ORC2: variants seen among roughly 807,000 people sequenced by gnomAD.
ORC2 encodes origin recognition complex protein 2 homolog.
In ORC2, 37 loss-of-function variants were observed where a neutral mutation model predicts 77.7. That is an observed-to-expected ratio of 0.48 (90% confidence interval 0.37 to 0.63). ORC2 has a LOEUF of 0.63. Among genes scored for constraint, ORC2 ranks in the 20% least tolerant of loss-of-function variants. The pLI, the probability that ORC2 is intolerant of heterozygous loss-of-function variation, is 0.00. For synonymous variants in ORC2, 201 were observed against 229.5 expected, an observed-to-expected ratio of 0.88 and a Z score of 1.12; for missense variants, 557 against 661.9, an observed-to-expected ratio of 0.84 and a Z score of 1.74.
intron 5 of ORC2, among the ~76,000 whole-genome samples, chr2:200,948,171 C>T (rs1397381578): frequency 1.3e-5 from 2 of 152,008 alleles, no homozygotes; most frequent in Non-Finnish European, 2.9e-5. Flanking sequence ...CCTCGGCCTC[C>T]CAAAGTGCTG....
At chr2:200,917,112 A>G (rs928072919) in intron 15 of ORC2, among the ~76,000 whole-genome samples, 2 of 149,874 alleles carry the variant, frequency 1.3e-5, no homozygotes, top group African/African-American at 5.0e-5. Flanking sequence ...CTCCCTCCTC[A>G]GCCTCCCAAG....
intron 15 of ORC2, among the ~76,000 whole-genome samples, chr2:200,914,367 C>A (rs1346002823): frequency 6.6e-6 from 1 of 151,958 alleles, no homozygotes; most frequent in East Asian, 1.9e-4. Context: ...GGGGTTTCAC[C>A]GTGTTAGCCA....
intron 10 of ORC2, among the ~76,000 whole-genome samples, chr2:200,931,963 T>C (rs538380448): frequency 3.9e-5 from 6 of 152,212 alleles, no homozygotes; most frequent in Non-Finnish European, 8.8e-5. Context: ...TTTTTTGAAA[T>C]GAAAACTCTA....
At chr2:200,955,379 G>A (rs982749619) in intron 4 of ORC2, among the ~76,000 whole-genome samples, 2 of 152,102 alleles carry the variant, frequency 1.3e-5, no homozygotes, top group Non-Finnish European at 2.9e-5. Context: ...TATACATGGA[G>A]TATATGACTC....
chr2:200,920,123 C>T (rs1170639445), intron 15 of ORC2, 99 bp downstream of exon 15: 3 of 817,448 alleles, frequency 3.7e-6, no homozygotes. Context: ...TCACTTAATC[C>T]TTCAACTAAC....
chr2:200,926,894 C>T lies in ORC2; in HGVS notation c.924G>A (p.Gly308=). ...FHKWMLQLHL[G]FNIVLYGLGS... The stretch of plus-strand genomic sequence containing the variant: ...CCAAACCATAAAGCACAATGTTGAA[C>T]CCAAGGCTGTTAGGAAAGACAGTAT... Residue 308 remains glycine (G), a synonymous_variant, in exon 12 of 18, where the codon GGG becomes GGA. Transcript: ENST00000234296. 1 of 1,613,586 alleles carries T rather than the reference C, an allele frequency of 6.2e-7. No homozygotes were observed. The highest frequency in any genetic ancestry group is 8.5e-7 in the Non-Finnish European group (1 of 1,179,794).
chr2:200,933,439 AC>A (rs1235669648), intron 10 of ORC2, among the ~76,000 whole-genome samples: 6 of 152,158 alleles, frequency 3.9e-5, no homozygotes, highest in African/African-American at 1.4e-4. Context: ...TAAATGAATA[AC>A]AGAGATAAAT....
At chr2:200,930,237 T>C (rs972354482) in intron 11 of ORC2, among the ~76,000 whole-genome samples, 1 of 151,986 alleles carries the variant, frequency 6.6e-6, no homozygotes, top group Non-Finnish European at 1.5e-5. Context: ...CCTCCAAAGG[T>C]AGAGATTACC....
chr2:200,934,873 C>T (rs1369328594), intron 9 of ORC2, among the ~76,000 whole-genome samples: 2 of 152,142 alleles, frequency 1.3e-5, no homozygotes, highest in Non-Finnish European at 2.9e-5. Context: ...TCCTCAATTG[C>T]TCTGAACCTT....
Position 200,931,449 on chromosome 2 carries a change from C to A in ORC2, c.808-1G>T. ...TGCTCAATAAGTTACGCAAAGTTTG[C>A]TTTAAAAAAAAGGAGGAGGGGAAAA... is the stretch of plus-strand genomic sequence containing the variant. On this transcript the variant is annotated splice_acceptor_variant, in intron 10 of 17. Transcript: ENST00000234296. LOFTEE classifies it high-confidence loss of function. 6.5e-7 allele frequency: 1 copy of A among 1,540,850 alleles called. No individual in the cohort carries two copies. The highest frequency in any genetic ancestry group is 1.2e-5 in the South Asian group (1 of 83,454).
Position 200,911,335 on chromosome 2 carries a change from G to A in ORC2, c.1700C>T (p.Thr567Ile). ...CTCTTCTTCCTTTTCCAAGAAATCA[G>A]TCAATGTTCCATTATCAACAGGAAT... ...LLIPVDNGTLTDFLEKEEEEA is the reference protein window; with the variant it reads ...LLIPVDNGTLIDFLEKEEEEA Residue 567 changes from threonine to isoleucine, a missense_variant, in exon 18 of 18, where the codon ACT (threonine) becomes ATT (isoleucine). Coordinates refer to ENST00000234296, the MANE Select transcript of ORC2 (RefSeq NM_006190.5). 1.9e-6 allele frequency: 3 copies of A among 1,609,080 alleles called. No homozygotes were observed. The highest frequency in any genetic ancestry group is 2.6e-6 in the Non-Finnish European group (3 of 1,175,532).
intron 4 of ORC2, among the ~76,000 whole-genome samples, chr2:200,956,868 T>C (rs1185115577): frequency 2.6e-5 from 4 of 152,194 alleles, no homozygotes; most frequent in Admixed American, 6.5e-5. Flanking sequence ...TGCAGGGACA[T>C]GTATGAAGCT....
intron 13 of ORC2, among the ~76,000 whole-genome samples, chr2:200,924,832 C>T (rs1209556028): frequency 6.6e-6 from 1 of 152,102 alleles, no homozygotes; most frequent in Non-Finnish European, 1.5e-5. Context: ...GATCTTGGCT[C>T]ACTGCAATCT....
intron 10 of ORC2, 110 bp downstream of exon 10, chr2:200,933,765 TG>T (rs2040984003): frequency 1.7e-6 from 1 of 573,086 alleles, no homozygotes; most frequent in African/African-American, 1.9e-5. Flanking sequence ...GTGTTTCATT[TG>T]ATCAGGACAA....
At chr2:200,958,451 C>T (rs1235413505) in intron 2 of ORC2, among the ~76,000 whole-genome samples, 1 of 152,040 alleles carries the variant, frequency 6.6e-6, no homozygotes, top group African/African-American at 2.4e-5. Context: ...AAGCTCTAAC[C>T]AATCCAGATA....
At chr2:200,935,945 C>A (rs1367207528) in intron 8 of ORC2, 53 bp from the exon 9 acceptor site, 6 of 1,509,850 alleles carry the variant, frequency 4.0e-6, no homozygotes, top group South Asian at 1.2e-5. Flanking sequence ...ACAAGAGAGG[C>A]ATTGTGGGGT....
chr2:200,942,617 A>G (rs2041174061), intron 6 of ORC2, 68 bp downstream of exon 6: 4 of 759,836 alleles, frequency 5.3e-6, no homozygotes, highest in Admixed American at 2.9e-5. Flanking sequence ...AAACAAGGAA[A>G]AAAGTAACAT....
chr2:200,957,307 A>G, intron 4 of ORC2, 94 bp downstream of exon 4: 1 of 815,234 alleles, frequency 1.2e-6, no homozygotes, highest in Non-Finnish European at 1.8e-6. Flanking sequence ...CATATAGAAC[A>G]CCACTGTTTA....
chr2:200,949,154 T>C (rs2041303382), intron 5 of ORC2, among the ~76,000 whole-genome samples: 2 of 151,496 alleles, frequency 1.3e-5, no homozygotes, highest in African/African-American at 4.9e-5. Flanking sequence ...GGCAGGAGAA[T>C]TGCTTGAACC....
Sources: gnomAD v4.1 joint callset for allele counts (sites outside exome capture counted in the v4.1 genomes callset) on GRCh38, gnomAD v4.1.1 for gene constraint, MANE v1.5 for transcripts, NCBI Gene and HGNC (gene_info 2026-07-23, HGNC 2026-07-21) for gene names.